RPH3A: variants seen among roughly 807,000 people sequenced by gnomAD.
RPH3A encodes rabphilin 3A.
RPH3A carries 48 observed loss-of-function variants against 102.2 expected under a neutral mutation model. The ratio of observed to expected loss-of-function variants is 0.47; its 90% CI spans 0.37 to 0.60. The LOEUF (loss-of-function observed/expected upper bound fraction) is 0.60. Ranked by LOEUF, RPH3A falls within the 20% of genes least tolerant of loss-of-function variation. The pLI, the probability that RPH3A is intolerant of heterozygous loss-of-function variation, is 0.00. For missense variants in RPH3A, 781 were observed against 910.1 expected, an observed-to-expected ratio of 0.86 and a Z score of 1.83; for synonymous variants, 310 against 324.3, an observed-to-expected ratio of 0.96 and a Z score of 0.47.
rs148238170 is a variant in RPH3A at position 112,658,443 on chromosome 12, T to TTGGG, written c.-140+83125_-140+83128dup. On this transcript the variant is annotated intron_variant, in intron 1 of 21. Coordinates refer to the RPH3A transcript ENST00000543106. ...CTGCCCACCTCGGCCTCCCGAAGTGTTGGGATTGCAGGTGTGAGCTATAGT... is the reference window on the plus strand; with the variant it reads ...CTGCCCACCTCGGCCTCCCGAAGTGTTGGGTGGGATTGCAGGTGTGAGCTATAGT... 7.5e-3 allele frequency among the ~76,000 whole-genome samples: 1,143 copies of TTGGG among 152,290 alleles called. 10 individuals are homozygous for TTGGG. Among genetic ancestry groups the TTGGG allele is most frequent in the African/African-American group, 0.026 (1,086 of 41,580 alleles).
chr12:112,878,187 C>A (rs2042841252), intron 13 of RPH3A, among the ~76,000 whole-genome samples: 1 of 152,170 alleles, frequency 6.6e-6, no homozygotes, highest in East Asian at 1.9e-4. Flanking sequence ...CAGGCTGGTT[C>A]TGCTCTGAAA....
chr12:112,759,879 C>T (rs529892358), intron 1 of RPH3A, among the ~76,000 whole-genome samples: 23 of 152,254 alleles, frequency 1.5e-4, no homozygotes, highest in Admixed American at 6.5e-4. Flanking sequence ...AGATTCCTTC[C>T]AATGACAGGT....
chr12:112,748,849 T>A (rs1482294732), intron 1 of RPH3A, among the ~76,000 whole-genome samples: 2 of 152,152 alleles, frequency 1.3e-5, no homozygotes, highest in African/African-American at 2.4e-5. Flanking sequence ...TTTTGGGAGA[T>A]GACATGTTTT....
intron 2 of RPH3A, among the ~76,000 whole-genome samples, chr12:112,800,971 G>A (rs1054743648): frequency 1.6e-4 from 24 of 152,280 alleles, no homozygotes; most frequent in African/African-American, 5.5e-4. Flanking sequence ...GCAGCAGCGT[G>A]GGTTTTTTGT....
At chr12:112,697,324 A>C (rs146782541) in intron 1 of RPH3A, among the ~76,000 whole-genome samples, 103 of 152,342 alleles carry the variant, frequency 6.8e-4, no homozygotes, top group African/African-American at 2.3e-3. Flanking sequence ...ACTATATACT[A>C]GGAATAAGTA....
At chr12:112,657,659 C>T (rs945801907) in intron 1 of RPH3A, among the ~76,000 whole-genome samples, 5 of 152,064 alleles carry the variant, frequency 3.3e-5, no homozygotes, top group Non-Finnish European at 7.4e-5. Context: ...TGTGGTCCAT[C>T]ATTGACCTAA....
chr12:112,799,230 G>C (rs2041293514), intron 2 of RPH3A, among the ~76,000 whole-genome samples: 1 of 152,024 alleles, frequency 6.6e-6, no homozygotes, highest in Non-Finnish European at 1.5e-5. Flanking sequence ...CTATAAAAAA[G>C]TTAAACAATT....
chr12:112,586,749 C>T (rs1312315583), intron 1 of RPH3A, among the ~76,000 whole-genome samples: 1 of 152,132 alleles, frequency 6.6e-6, no homozygotes, highest in Non-Finnish European at 1.5e-5. Flanking sequence ...CTATTTATGG[C>T]CATTTTACAG....
intron 1 of RPH3A, among the ~76,000 whole-genome samples, chr12:112,702,815 T>C (rs1198429085): frequency 1.3e-5 from 2 of 152,190 alleles, no homozygotes; most frequent in Admixed American, 1.3e-4. Flanking sequence ...ACCTGACACG[T>C]CAAACTGATA....
intron 1 of RPH3A, among the ~76,000 whole-genome samples, chr12:112,640,325 C>CAAAAAAAAAAAAAAAAA (rs1158230534): frequency 7.1e-5 from 1 of 14,078 alleles, no homozygotes; most frequent in African/African-American, 1.2e-4. Context: ...AACTCCATCT[C>CAAAAAAAAAAAAAAAAA]AAAAAAAAAA....
At chr12:112,608,931 G>A (rs1228868378) in intron 1 of RPH3A, among the ~76,000 whole-genome samples, 1 of 152,146 alleles carries the variant, frequency 6.6e-6, no homozygotes, top group Non-Finnish European at 1.5e-5. Context: ...TCAGATTTGA[G>A]TTAAAAACTA....
chr12:112,659,009 T>C (rs2040032380), intron 1 of RPH3A, among the ~76,000 whole-genome samples: 1 of 152,222 alleles, frequency 6.6e-6, no homozygotes. Context: ...ATCTTTGTTA[T>C]GTACTTAGCC....
intron 5 of RPH3A, among the ~76,000 whole-genome samples, chr12:112,861,529 A>C (rs2042512933): frequency 6.6e-6 from 1 of 152,234 alleles, no homozygotes; most frequent in African/African-American, 2.4e-5. Context: ...GGCTGTGTGC[A>C]CAGCAGCATG....
At chr12:112,686,617 A>G (rs1241392606) in intron 1 of RPH3A, among the ~76,000 whole-genome samples, 1 of 152,168 alleles carries the variant, frequency 6.6e-6, no homozygotes, top group Non-Finnish European at 1.5e-5. Context: ...CAACTTCCAG[A>G]TATGCAAGTG....
At chr12:112,751,302 C>A (rs1021714160) in intron 1 of RPH3A, among the ~76,000 whole-genome samples, 1 of 152,120 alleles carries the variant, frequency 6.6e-6, no homozygotes, top group African/African-American at 2.4e-5. Context: ...GCATAGCAGG[C>A]AGTACAGTGC....
upstream of RPH3A, among the ~76,000 whole-genome samples, chr12:112,790,182 G>A (rs926486630): frequency 5.3e-5 from 8 of 151,838 alleles, no homozygotes; most frequent in African/African-American, 9.7e-5. Flanking sequence ...TCCACCTCCC[G>A]AGTAGCTGGG....
rs150615959 is a variant in RPH3A, at chr12:112,723,182, G to A, written c.-139-68961G>A. ...ACTGACAACTCCCTCCCCCTGTACA[G>A]TCAAAAATGTGTATATAACTTTTGG... On this transcript the variant is annotated intron_variant, in intron 1 of 21. Transcript: ENST00000543106. 2.3e-3 allele frequency among the ~76,000 whole-genome samples: 353 copies of A among 152,296 alleles called. 3 individuals are homozygous for A. Among genetic ancestry groups the A allele is most frequent in the Middle Eastern group, 0.014 (4 of 294 alleles).
At chr12:112,697,761 A>G (rs1036234361) in intron 1 of RPH3A, among the ~76,000 whole-genome samples, 1 of 152,098 alleles carries the variant, frequency 6.6e-6, no homozygotes, top group Admixed American at 6.5e-5. Context: ...GCTACTCGGG[A>G]GGCTGAGGCA....
At chr12:112,608,865 A>G (rs1655647574) in intron 1 of RPH3A, among the ~76,000 whole-genome samples, 1 of 152,222 alleles carries the variant, frequency 6.6e-6, no homozygotes, top group Admixed American at 6.5e-5. Context: ...ACAACTGGCA[A>G]AGTAGATTGA....
Sources: gnomAD v4.1 joint callset for allele counts (sites outside exome capture counted in the v4.1 genomes callset) on GRCh38, gnomAD v4.1.1 for gene constraint, MANE v1.5 for transcripts, NCBI Gene and HGNC (gene_info 2026-07-23, HGNC 2026-07-21) for gene names.